PIBF1: variants seen among roughly 807,000 people sequenced by gnomAD.
PIBF1 encodes the protein progesterone-induced-blocking factor 1.
In PIBF1, 90 loss-of-function variants were observed where a neutral mutation model predicts 112.5. The observed-to-expected ratio is 0.80, with a 90% CI of 0.67 to 0.95. The LOEUF is 0.95. PIBF1 is among the 40% of genes least tolerant of loss of function. The probability of loss-of-function intolerance (pLI) is 0.00; values close to 1 mark genes in which losing one functional copy is unlikely to be tolerated. For missense variants in PIBF1, 915 were observed against 852.3 expected, an observed-to-expected ratio of 1.07 and a Z score of -0.92; for synonymous variants, 301 against 288.6, an observed-to-expected ratio of 1.04 and a Z score of -0.44.
intron 17 of PIBF1, among the ~76,000 whole-genome samples, chr13:73,010,117 C>CA (rs2044148601): frequency 6.6e-6 from 1 of 151,924 alleles, no homozygotes; most frequent in Non-Finnish European, 1.5e-5. Flanking sequence ...CCTTTTTGGC[C>CA]AGGAGTCACA....
chr13:72,792,582 C>A (rs757464010), intron 3 of PIBF1, 35 bp downstream of exon 3: 2 of 1,078,228 alleles, frequency 1.9e-6, no homozygotes, highest in African/African-American at 3.3e-5. Context: ...AAAACAACAT[C>A]TATTTAGCAA....
intron 14 of PIBF1, among the ~76,000 whole-genome samples, chr13:72,952,139 G>C (rs956150698): frequency 6.8e-6 from 1 of 146,110 alleles, no homozygotes; most frequent in Non-Finnish European, 1.5e-5. Context: ...AGTTCAAGCT[G>C]TTCTGCCAGG....
At chr13:72,829,052 A>T (rs955615949) in intron 8 of PIBF1, among the ~76,000 whole-genome samples, 1 of 152,346 alleles carries the variant, frequency 6.6e-6, no homozygotes, top group African/African-American at 2.4e-5. Context: ...GCATTTGTTC[A>T]TATATCTGTT....
At chr13:72,955,230 C>T (rs1227938744) in intron 14 of PIBF1, among the ~76,000 whole-genome samples, 1 of 152,118 alleles carries the variant, frequency 6.6e-6, no homozygotes, top group African/African-American at 2.4e-5. Context: ...TCTAACCTTG[C>T]CAAGTGCTTA....
In PIBF1 at chr13:72,893,876, T is replaced by A. The variant is rs746665616; in HGVS notation, c.1415T>A (p.Leu472His). Residue 472 changes from leucine (L) to histidine (H), a missense_variant, in exon 11 of 18, where the codon CTT (leucine) becomes CAT (histidine). By Grantham distance (99) the Leu-to-His change is moderately conservative. Transcript: ENST00000326291. ...TCTTTTGAAAGTGAGCGTGTTCAACTTCTGCAAGAGGAAACAGCAAGAAAT... is the reference window on the plus strand; with the variant it reads ...TCTTTTGAAAGTGAGCGTGTTCAACATCTGCAAGAGGAAACAGCAAGAAAT... Reference protein sequence around the residue: ...LKSFESERVQLLQEETARNLT... With the variant: ...LKSFESERVQHLQEETARNLT... The A allele has an allele frequency of 6.2e-7, 1 of 1,608,220 alleles. No individual in the cohort carries two copies. Among genetic ancestry groups the A allele is most frequent in the Non-Finnish European group, 8.5e-7 (1 of 1,177,136 alleles).
At chr13:72,815,289 A>G (rs544130172) in intron 5 of PIBF1, among the ~76,000 whole-genome samples, 1 of 152,264 alleles carries the variant, frequency 6.6e-6, no homozygotes, top group South Asian at 2.1e-4. Context: ...TGCATCAGCA[A>G]ATTCATGGAG....
At chr13:72,876,811 G>C (rs1011546339) in intron 10 of PIBF1, among the ~76,000 whole-genome samples, 1 of 152,084 alleles carries the variant, frequency 6.6e-6, no homozygotes, top group African/African-American at 2.4e-5. Context: ...ACTAGTTCCA[G>C]TAGTTTTCAG....
chr13:72,868,307 A>T (rs971418454), intron 10 of PIBF1, among the ~76,000 whole-genome samples: 8 of 123,520 alleles, frequency 6.5e-5, no homozygotes, highest in Admixed American at 1.6e-4. Flanking sequence ...TCTCTTTATT[A>T]AAAAAGAAAA....
At chr13:72,849,073 A>G (rs2038009897) in intron 9 of PIBF1, among the ~76,000 whole-genome samples, 1 of 152,200 alleles carries the variant, frequency 6.6e-6, no homozygotes, top group South Asian at 2.1e-4. Context: ...GTATTTATTT[A>G]AGATTTATTT....
intron 14 of PIBF1, among the ~76,000 whole-genome samples, chr13:72,937,233 C>CT (rs1210105020): frequency 2.0e-5 from 3 of 151,892 alleles, no homozygotes; most frequent in Non-Finnish European, 4.4e-5. Flanking sequence ...TTTTTATTCA[C>CT]TTTATTTTTC....
intron 10 of PIBF1, among the ~76,000 whole-genome samples, chr13:72,858,331 C>T (rs2038537548): frequency 6.6e-6 from 1 of 152,160 alleles, no homozygotes; most frequent in Non-Finnish European, 1.5e-5. Context: ...GGATTACAGG[C>T]GTGAGCCACT....
chr13:72,935,791 G>A (rs2041855074), intron 14 of PIBF1, among the ~76,000 whole-genome samples: 1 of 152,028 alleles, frequency 6.6e-6, no homozygotes, highest in Admixed American at 6.6e-5. Context: ...GAATGATTTT[G>A]AGGATCTTCT....
chr13:72,823,376 A>G (rs183671299), intron 6 of PIBF1, among the ~76,000 whole-genome samples: 60 of 152,152 alleles, frequency 3.9e-4, no homozygotes, highest in Admixed American at 7.9e-4. Flanking sequence ...TTCATTTACT[A>G]TAATAAAAAC....
At chr13:72,956,091 G>GA (rs1290441809) in intron 14 of PIBF1, among the ~76,000 whole-genome samples, 2 of 152,134 alleles carry the variant, frequency 1.3e-5, no homozygotes, top group African/African-American at 4.8e-5. Flanking sequence ...TAACAATACT[G>GA]AAAAATTCTT....
In PIBF1 at chr13:72,931,718, GTATATATA is replaced by G. The variant is rs3077704; in HGVS notation, c.1833+469_1833+476del. Among the ~76,000 whole-genome samples the G allele has an allele frequency of 5.2e-4, 53 of 101,970 alleles. 1 individual carries two copies. The highest frequency in any genetic ancestry group is 5.1e-4 in the Non-Finnish European group (26 of 50,700). The allele number at this position is 101,970 out of a possible 152,430, so 66.9% of individuals were successfully genotyped here. A position where few individuals can be genotyped will look rare whatever the true frequency, so the allele number is the denominator to read the frequency against. On this transcript the variant is annotated intron_variant, in intron 14 of 17. Coordinates refer to ENST00000326291, the MANE Select transcript of PIBF1 (RefSeq NM_006346.4). ...CTTAGCCTTATGTCATTTAAACTAC[GTATATATA>G]TATATATATATATATATGTATGCAT...
At chr13:72,846,241 T>C (rs2037873926) in intron 9 of PIBF1, among the ~76,000 whole-genome samples, 1 of 152,206 alleles carries the variant, frequency 6.6e-6, no homozygotes, top group South Asian at 2.1e-4. Flanking sequence ...TAAAGACAAC[T>C]CTATTCTTCC....
At chr13:72,963,914 C>T (rs964310543) in intron 14 of PIBF1, among the ~76,000 whole-genome samples, 2 of 152,086 alleles carry the variant, frequency 1.3e-5, no homozygotes, top group Non-Finnish European at 2.9e-5. Context: ...ACTGTGGAAC[C>T]GTTGCAGTTC....
intron 14 of PIBF1, among the ~76,000 whole-genome samples, chr13:72,961,827 T>A (rs572832025): frequency 2.0e-5 from 3 of 152,136 alleles, no homozygotes; most frequent in Non-Finnish European, 2.9e-5. Context: ...GGAAAAAAAA[T>A]AAAGAACAAA....
intron 10 of PIBF1, among the ~76,000 whole-genome samples, chr13:72,873,549 T>C (rs949925753): frequency 2.0e-5 from 3 of 152,042 alleles, no homozygotes; most frequent in Non-Finnish European, 4.4e-5. Flanking sequence ...ATTTCAGGCA[T>C]GCGTCGCCAC....
Sources: allele counts gnomAD v4.1 joint callset (sites outside exome capture counted in the v4.1 genomes callset), GRCh38; gene constraint gnomAD v4.1.1; transcripts MANE v1.5; gene names NCBI Gene and HGNC (gene_info 2026-07-23, HGNC 2026-07-21).